The following PTCD2 variants were observed in gnomAD, a reference collection of about 807,000 sequenced individuals.
PTCD2 encodes the protein pentatricopeptide repeat domain 2, also known as pentatricopeptide repeat-containing protein 2, mitochondrial.
Under a neutral mutation model 42.6 loss-of-function variants are expected in PTCD2, and 31 were observed. That is an observed-to-expected ratio of 0.73 (90% CI 0.55 to 0.98). The LOEUF is 0.98. PTCD2 is among the 50% of genes least tolerant of loss of function. PTCD2 has a pLI of 0.00. For synonymous variants in PTCD2, 183 were observed against 170.9 expected, an observed-to-expected ratio of 1.07 and a Z score of -0.55; for missense variants, 476 against 454.8, an observed-to-expected ratio of 1.05 and a Z score of -0.42.
At position 72,367,014 on chromosome 5, in the gene PTCD2, T is replaced by C. The variant is rs1393302724; in HGVS notation, c.*8587T>C. On this transcript the variant is annotated 3_prime_UTR_variant, in exon 10 of 10. Transcript: ENST00000380639. ...AAATCACATTTGTGTGTGAAAGAAG[T>C]AAAAAGGAATTAGGATCTTGGTTAT... The C allele has an allele frequency of 6.6e-6, 1 of 152,194 alleles. No homozygotes were observed. Among genetic ancestry groups the C allele is most frequent in the African/African-American group, 2.4e-5 (1 of 41,438 alleles). 9.4% of individuals were successfully genotyped at this position (152,194 alleles called of 1,614,324 possible).
rs144923722 is a variant in PTCD2, at chr5:72,351,984, A to G, written c.829-657A>G. On this transcript the variant is annotated intron_variant, in intron 8 of 9. Transcript: ENST00000380639. ...AACCCAAAATGTGAGATCTAAATCTATTTTCCCCATTTTACAAATGAGGGC... is the reference window on the plus strand; with the variant it reads ...AACCCAAAATGTGAGATCTAAATCTGTTTTCCCCATTTTACAAATGAGGGC... Among the ~76,000 whole-genome samples, 523 of 152,186 alleles carry G rather than the reference A, an allele frequency of 3.4e-3. 1 individual carries two copies. The highest frequency in any genetic ancestry group is 0.011 in the African/African-American group (469 of 41,530).
chr5:72,332,633 A>C (rs1363050342), intron 4 of PTCD2, among the ~76,000 whole-genome samples: 1 of 152,248 alleles, frequency 6.6e-6, no homozygotes, highest in African/African-American at 2.4e-5. Flanking sequence ...AAAATAAAAA[A>C]GATGAAAGCA....
At chr5:72,339,001 A>G (rs1436879007) in intron 7 of PTCD2, among the ~76,000 whole-genome samples, 1 of 152,266 alleles carries the variant, frequency 6.6e-6, no homozygotes, top group Non-Finnish European at 1.5e-5. Context: ...ATTGCAAGTC[A>G]TCAGATTACG....
chr5:72,341,323 C>A (rs577726207), intron 7 of PTCD2, among the ~76,000 whole-genome samples: 5 of 152,086 alleles, frequency 3.3e-5, no homozygotes, highest in African/African-American at 1.2e-4. Flanking sequence ...GGATTACAGG[C>A]GTGAGCCACT....
intron 8 of PTCD2, among the ~76,000 whole-genome samples, chr5:72,348,754 C>T (rs1488324718): frequency 6.6e-6 from 1 of 152,248 alleles, no homozygotes; most frequent in African/African-American, 2.4e-5. Flanking sequence ...ATAAAACTGG[C>T]ATGTCTCCAA....
At position 72,343,550 on chromosome 5, in the gene PTCD2, G is replaced by A. The variant is rs150017023; in HGVS notation, c.828+514G>A. On this transcript the variant is annotated intron_variant, in intron 8 of 9. Coordinates refer to ENST00000380639, the MANE Select transcript of PTCD2 (RefSeq NM_024754.5). ...TATTGTCATTCTTATTATGTTGCCA[G>A]TATGCCCATGGTCCTCTTCCCCATT... Among the ~76,000 whole-genome samples the A allele has an allele frequency of 1.4e-4, 21 of 152,290 alleles. No homozygotes were observed. The East Asian group carries it at 3.5e-3, about 25-fold the overall frequency.
chr5:72,352,665 A>G lies in PTCD2; in HGVS notation c.853A>G (p.Met285Val). 1 of 1,582,004 alleles carries G rather than the reference A, an allele frequency of 6.3e-7. No homozygotes were observed. Among genetic ancestry groups the G allele is most frequent in the South Asian group, 1.1e-5 (1 of 90,190 alleles). The part of the protein sequence containing the change: ...LNIIIHIQSN[M>V]LENLIKTLKN... ...GATTATAATCCATATCCAGTCAAAT[A>G]TGTTGGAAAACCTGATAAAGACTCT... The change falls in exon 9 of 10, where the codon ATG becomes GTG. Residue 285 changes from methionine to valine, a missense_variant. Physicochemically the swap from Met to Val is conservative, Grantham distance 21. Transcript: ENST00000380639.
At chr5:72,329,713 A>G (rs1751332770) in intron 3 of PTCD2, among the ~76,000 whole-genome samples, 1 of 152,176 alleles carries the variant, frequency 6.6e-6, no homozygotes, top group Admixed American at 6.5e-5. Flanking sequence ...ATCTTCACAA[A>G]AAAACTGAGT....
chr5:72,342,187 C>T (rs1393061456), intron 7 of PTCD2, among the ~76,000 whole-genome samples: 3 of 152,182 alleles, frequency 2.0e-5, no homozygotes, highest in African/African-American at 7.2e-5. Flanking sequence ...GAGCACTGTT[C>T]TAGACTAGCA....
intron 6 of PTCD2, among the ~76,000 whole-genome samples, chr5:72,336,710 CA>C (rs57573366): frequency 0.37 from 32,312 of 86,866 alleles, 2,834 homozygotes; most frequent in Non-Finnish European, 0.41. Context: ...GACTCTGTCT[CA>C]AAAAAAAAAA....
intron 7 of PTCD2, among the ~76,000 whole-genome samples, chr5:72,340,189 A>G (rs1464068097): frequency 6.6e-6 from 1 of 152,124 alleles, no homozygotes; most frequent in Admixed American, 6.5e-5. Context: ...CTTTAAAACC[A>G]TAGTTTTGAT....
In PTCD2 at chr5:72,365,392, T is replaced by A. The variant is rs1753176501; in HGVS notation, c.*6965T>A. ...CCCAGAAGAGCACAGCATCACCCTG[T>A]CTTTCAATCCCCAAAGTAGCCCTTA... On this transcript the variant is annotated 3_prime_UTR_variant, in exon 10 of 10. Coordinates refer to ENST00000380639, the MANE Select transcript of PTCD2 (RefSeq NM_024754.5). The A allele has an allele frequency of 6.6e-6, 1 of 152,216 alleles. No individual in the cohort carries two copies. The highest frequency in any genetic ancestry group is 2.4e-5 in the African/African-American group (1 of 41,436). 9.4% of individuals were successfully genotyped at this position (152,216 alleles called of 1,614,324 possible).
At chr5:72,347,019 T>C (rs1489736891) in intron 8 of PTCD2, among the ~76,000 whole-genome samples, 1 of 152,232 alleles carries the variant, frequency 6.6e-6, no homozygotes, top group East Asian at 1.9e-4. Flanking sequence ...TAAGGTGTCA[T>C]GCTTGGTACT....
At chr5:72,348,456 A>T (rs1412776571) in intron 8 of PTCD2, among the ~76,000 whole-genome samples, 1 of 152,182 alleles carries the variant, frequency 6.6e-6, no homozygotes, top group African/African-American at 2.4e-5. Flanking sequence ...TGATTGTTTT[A>T]TTAAATTGCT....
In PTCD2 at chr5:72,364,845, C is replaced by G. The variant is rs1184226597; in HGVS notation, c.*6418C>G. ...GTAATGTATCCGTGGGCGTTTCCCC[C>G]CAGACATTCGAAGCACACAGCTAAT... On this transcript the variant is annotated 3_prime_UTR_variant, in exon 10 of 10. Coordinates refer to ENST00000380639, the MANE Select transcript of PTCD2 (RefSeq NM_024754.5). The G allele has an allele frequency of 6.6e-6, 1 of 152,224 alleles. No homozygotes were observed. The highest frequency in any genetic ancestry group is 2.4e-5 in the African/African-American group (1 of 41,438). The allele number at this position is 152,224 out of a possible 1,614,324, so 9.4% of individuals were successfully genotyped here.
intron 8 of PTCD2, among the ~76,000 whole-genome samples, 177 bp from the exon 9 acceptor site, chr5:72,352,464 T>C (rs1311103247): frequency 6.6e-6 from 1 of 152,196 alleles, no homozygotes; most frequent in Non-Finnish European, 1.5e-5. Context: ...AAAGCACATT[T>C]TGGCTCGTAA....
At chr5:72,342,921 T>C in intron 7 of PTCD2, 41 bp from the exon 8 acceptor site, 2 of 1,274,038 alleles carry the variant, frequency 1.6e-6, no homozygotes, top group Non-Finnish European at 2.2e-6. Context: ...ATAACATTAG[T>C]TCCTATGATA....
At chr5:72,352,562 G>A in intron 8 of PTCD2, 79 bp from the exon 9 acceptor site, 1 of 672,284 alleles carries the variant, frequency 1.5e-6, no homozygotes, top group Non-Finnish European at 2.6e-6. Flanking sequence ...ATAAATGAAG[G>A]CTTATCTAAC....
At chr5:72,330,755 C>T (rs1751399212) in intron 3 of PTCD2, among the ~76,000 whole-genome samples, 1 of 152,148 alleles carries the variant, frequency 6.6e-6, no homozygotes, top group Admixed American at 6.5e-5. Flanking sequence ...CCCAGGTGTA[C>T]CTTTCTCAAG....
Sources: gnomAD v4.1 joint callset for allele counts (sites outside exome capture counted in the v4.1 genomes callset) on GRCh38, gnomAD v4.1.1 for gene constraint, MANE v1.5 for transcripts, NCBI Gene and HGNC (gene_info 2026-07-23, HGNC 2026-07-21) for gene names.